Variants in DNAH7 observed in about 807,000 individuals in gnomAD.
The protein encoded by DNAH7 is axonemal beta dynein heavy chain 7.
A neutral mutation model predicts 444.6 loss-of-function variants in DNAH7; 397 were observed. The observed-to-expected ratio is 0.89, with a 90% CI of 0.82 to 0.97. DNAH7 has a LOEUF of 0.97. Among genes scored for constraint, DNAH7 ranks in the 50% least tolerant of loss-of-function variants. DNAH7 has a pLI of 0.00. For missense variants in DNAH7, 4,902 were observed against 4,800.8 expected (o/e 1.02, Z -0.62); for synonymous variants, 1,636 against 1,624.4 (o/e 1.01, Z -0.17).
intron 48 of DNAH7, among the ~76,000 whole-genome samples, chr2:195,828,457 C>T (rs943569510): frequency 1.4e-4 from 22 of 151,770 alleles, no homozygotes; most frequent in African/African-American, 4.8e-4. Context: ...TGGTGGCTGG[C>T]GCCTGTAGTC....
At chr2:195,795,918 T>G (rs1696110107) in intron 56 of DNAH7, 1 of 152,264 alleles carries the variant, frequency 6.6e-6, no homozygotes, top group African/African-American at 2.4e-5. Context: ...CATGGTTATT[T>G]AGAAGGGAGT....
At chr2:195,882,144 G>T in intron 35 of DNAH7, 152 bp from the exon 36 acceptor site, 1 of 618,286 alleles carries the variant, frequency 1.6e-6, no homozygotes, top group Non-Finnish European at 2.8e-6. Flanking sequence ...CAGTTTGAAG[G>T]TTAAATTGTA....
At chr2:195,923,392 G>C (rs1036080737) in intron 23 of DNAH7, among the ~76,000 whole-genome samples, 1 of 151,980 alleles carries the variant, frequency 6.6e-6, no homozygotes, top group African/African-American at 2.4e-5. Flanking sequence ...TTTGAATATA[G>C]ATAAGGATAC....
chr2:195,884,457 C>T, intron 35 of DNAH7, 128 bp downstream of exon 35: 1 of 691,264 alleles, frequency 1.4e-6, no homozygotes, highest in Non-Finnish European at 2.4e-6. Context: ...GTGCATCTTC[C>T]TCTATTCTAT....
chr2:195,837,140 T>C (rs1316130673), intron 47 of DNAH7, among the ~76,000 whole-genome samples: 23 of 152,218 alleles, frequency 1.5e-4, no homozygotes, highest in Admixed American at 1.5e-3. Flanking sequence ...ATGCTCATTC[T>C]TTATTCTTTT....
chr2:195,877,448 T>A (rs1169858259), intron 36 of DNAH7, among the ~76,000 whole-genome samples: 1 of 152,256 alleles, frequency 6.6e-6, no homozygotes, highest in African/African-American at 2.4e-5. Context: ...ATTAAATGCT[T>A]GCAGCATTCA....
intron 2 of DNAH7, 129 bp from the exon 3 acceptor site, chr2:196,051,378 T>C (rs1197320139): frequency 1.4e-6 from 1 of 718,176 alleles, no homozygotes; most frequent in Non-Finnish European, 2.4e-6. Flanking sequence ...AGATAAACTT[T>C]ACTGCTTTTT....
intron 40 of DNAH7, among the ~76,000 whole-genome samples, chr2:195,870,487 C>T (rs369919781): frequency 9.2e-5 from 14 of 152,288 alleles, no homozygotes; most frequent in African/African-American, 2.4e-4. Context: ...AATGCTTCCT[C>T]GTGAGTTAGA....
At chr2:195,854,896 T>C (rs1197182096) in intron 45 of DNAH7, among the ~76,000 whole-genome samples, 1 of 152,212 alleles carries the variant, frequency 6.6e-6, no homozygotes, top group Non-Finnish European at 1.5e-5. Context: ...CATAATATGT[T>C]ACACTTCTAA....
rs142038235 is a variant in DNAH7, at chr2:195,822,766, C to T, written c.9291+1489G>A. ...GTTTATGTTATGTGCGATAGTTCCACGTATTTTACTGAACAGTAAAAAAGG... is the reference window on the plus strand; with the variant it reads ...GTTTATGTTATGTGCGATAGTTCCATGTATTTTACTGAACAGTAAAAAAGG... On this transcript the variant is annotated intron_variant, in intron 49 of 64. Transcript: ENST00000312428. Among the ~76,000 whole-genome samples the T allele has an allele frequency of 4.7e-3, 721 of 152,260 alleles. 10 individuals are homozygous for T. The highest frequency in any genetic ancestry group is 0.017 in the African/African-American group (692 of 41,540).
intron 5 of DNAH7, among the ~76,000 whole-genome samples, chr2:196,030,085 A>T (rs1695951913): frequency 6.6e-6 from 1 of 152,228 alleles, no homozygotes; most frequent in South Asian, 2.1e-4. Context: ...TGATAAAGAC[A>T]TACCTGAGAC....
chr2:195,970,011 A>T lies in DNAH7; in HGVS notation c.2142T>A (p.Asp714Glu). The stretch of plus-strand genomic sequence containing the variant: ...GAGCCTTTTTTAGGTACCGCTGAAC[A>T]TCCTGAAGATCTCCAAATGAATAAA... ...EEFYSFGDLQ[D>E]VQRYLKKAQI... Residue 714 changes from aspartate (D) to glutamate (E), a missense_variant, in exon 17 of 65, where the codon GAT (aspartate) becomes GAA (glutamate). By Grantham distance (45) the Asp-to-Glu change is conservative. Transcript: ENST00000312428. The T allele has an allele frequency of 1.9e-6, 3 of 1,612,768 alleles. No homozygotes were observed. The highest frequency in any genetic ancestry group is 1.7e-4 in the Middle Eastern group (1 of 6,052).
chr2:195,964,524 T>C (rs1324352979), intron 17 of DNAH7, among the ~76,000 whole-genome samples: 1 of 145,702 alleles, frequency 6.9e-6, no homozygotes, highest in Non-Finnish European at 1.5e-5. Flanking sequence ...TCAGTTCTAA[T>C]AGTTTTTTTT....
chr2:195,791,942 G>A (rs1016477729), intron 57 of DNAH7, among the ~76,000 whole-genome samples: 5 of 152,118 alleles, frequency 3.3e-5, no homozygotes, highest in East Asian at 1.9e-4. Context: ...CAAGGAGGGC[G>A]GACCACTTAG....
chr2:195,972,386 G>A lies in DNAH7; in HGVS notation c.1914C>T (p.Phe638=), dbSNP rs1691905300. 1 of 1,614,076 alleles carries A rather than the reference G, an allele frequency of 6.2e-7. No individual in the cohort carries two copies. Among genetic ancestry groups the A allele is most frequent in the Non-Finnish European group, 8.5e-7 (1 of 1,180,008 alleles). Residue 638 remains phenylalanine, a synonymous_variant, in exon 16 of 65, where the codon TTC becomes TTT. Coordinates refer to ENST00000312428, the MANE Select transcript of DNAH7 (RefSeq NM_018897.3). The part of the protein sequence containing the change: ...RLVDSKNCLA[F]LIEYVNFSPA... ...GAGAAAAGTTGACATACTCGATGAG[G>A]AAGGCGAGGCAGTTTTTGGAATCCA...
intron 12 of DNAH7, among the ~76,000 whole-genome samples, chr2:195,989,742 T>C (rs745684124): frequency 2.6e-5 from 4 of 152,156 alleles, no homozygotes; most frequent in African/African-American, 9.7e-5. Context: ...CAAGTTCTCA[T>C]GAGATCTGGT....
chr2:195,847,312 T>TA (rs997173318), intron 46 of DNAH7, among the ~76,000 whole-genome samples: 4 of 151,172 alleles, frequency 2.6e-5, no homozygotes, highest in East Asian at 3.9e-4. Flanking sequence ...TATGCAGCCA[T>TA]AAAAAAGAGT....
chr2:196,025,189 G>T (rs1273938357), intron 7 of DNAH7, among the ~76,000 whole-genome samples: 1 of 152,144 alleles, frequency 6.6e-6, no homozygotes, highest in Non-Finnish European at 1.5e-5. Flanking sequence ...CCAATCTCCT[G>T]TGGATACCAA....
intron 50 of DNAH7, among the ~76,000 whole-genome samples, 164 bp from the exon 51 acceptor site, chr2:195,817,127 A>G (rs1462764302): frequency 6.6e-6 from 1 of 152,202 alleles, no homozygotes; most frequent in Non-Finnish European, 1.5e-5. Flanking sequence ...CTTATCTCGT[A>G]AAATGTCACA....
Sources: gnomAD v4.1 joint callset for allele counts (sites outside exome capture counted in the v4.1 genomes callset) on GRCh38, gnomAD v4.1.1 for gene constraint, MANE v1.5 for transcripts, NCBI Gene and HGNC (gene_info 2026-07-23, HGNC 2026-07-21) for gene names.